The following TPD52 variants were observed in gnomAD, a reference collection of about 807,000 sequenced individuals.
TPD52 encodes the protein prostate and colon associated protein.
A neutral mutation model predicts 31.3 loss-of-function variants in TPD52; 17 were observed. The ratio of observed to expected loss-of-function variants is 0.54; its 90% CI spans 0.37 to 0.82. TPD52 has a LOEUF of 0.82. TPD52 is among the 40% of genes least tolerant of loss of function. The pLI is 0.00. For missense variants in TPD52, 212 were observed against 240.1 expected, an observed-to-expected ratio of 0.88 and a Z score of 0.77; for synonymous variants, 83 against 89.6, an observed-to-expected ratio of 0.93 and a Z score of 0.42.
intron 1 of TPD52, among the ~76,000 whole-genome samples, chr8:80,093,222 T>C (rs547103971): frequency 6.6e-6 from 1 of 152,244 alleles, no homozygotes; most frequent in Non-Finnish European, 1.5e-5. Flanking sequence ...GGCTCAGTAA[T>C]AAGAGAATGA....
At chr8:80,140,196 A>G (rs1316700320) in intron 1 of TPD52, among the ~76,000 whole-genome samples, 1 of 152,166 alleles carries the variant, frequency 6.6e-6, no homozygotes, top group Non-Finnish European at 1.5e-5. Flanking sequence ...GGTTCTCCTG[A>G]TGTCAACCCC....
chr8:80,142,580 T>C (rs1211401933), intron 1 of TPD52, among the ~76,000 whole-genome samples: 1 of 150,834 alleles, frequency 6.6e-6, no homozygotes, highest in South Asian at 2.1e-4. Flanking sequence ...CGCACAACTG[T>C]AGTCCCAGCT....
intron 5 of TPD52, among the ~76,000 whole-genome samples, chr8:80,045,825 G>A (rs1810791294): frequency 6.6e-6 from 1 of 152,110 alleles, no homozygotes; most frequent in South Asian, 2.1e-4. Context: ...CTTTTTAGGT[G>A]AGCTAAAAGT....
At chr8:80,096,814 T>C (rs1447223819) in intron 1 of TPD52, among the ~76,000 whole-genome samples, 1 of 152,156 alleles carries the variant, frequency 6.6e-6, no homozygotes, top group Non-Finnish European at 1.5e-5. Context: ...CCCTATTTGA[T>C]GAGACACAAC....
chr8:80,122,285 C>G (rs753512340), intron 1 of TPD52, among the ~76,000 whole-genome samples: 2 of 152,082 alleles, frequency 1.3e-5, no homozygotes, highest in Non-Finnish European at 2.9e-5. Context: ...TGAGTAAAAG[C>G]AGAGAGCAGA....
intron 6 of TPD52, among the ~76,000 whole-genome samples, chr8:80,043,543 A>G (rs1297269169): frequency 1.3e-5 from 2 of 152,198 alleles, no homozygotes; most frequent in African/African-American, 2.4e-5. Context: ...TCAGGAAGTC[A>G]TAAGCAATGC....
At chr8:80,137,851 T>A (rs1276942211) in intron 1 of TPD52, among the ~76,000 whole-genome samples, 4 of 152,122 alleles carry the variant, frequency 2.6e-5, no homozygotes. Flanking sequence ...GGCGGGAGGA[T>A]CACTTGAGCC....
chr8:80,051,374 A>G (rs1475383555), intron 4 of TPD52, 153 bp downstream of exon 4: 3 of 640,798 alleles, frequency 4.7e-6, no homozygotes, highest in South Asian at 1.9e-5. Context: ...ACCTTAGATG[A>G]GCCTTCCAGG....
Position 80,121,738 on chromosome 8 carries a change from G to A in TPD52, c.19+49687C>T, listed in dbSNP as rs192592525. On this transcript the variant is annotated intron_variant, in intron 1 of 7. Coordinates refer to ENST00000518937, the MANE Select transcript of TPD52 (RefSeq NM_001025253.3). ...CCAGGCCTAACCAAGTGGCCTTCAC[G>A]ACGCAAAACCTGCATCGGATGGTCC... Among the ~76,000 whole-genome samples, 732 of 152,220 alleles carry A rather than the reference G, an allele frequency of 4.8e-3. 3 individuals are homozygous for A. The highest frequency in any genetic ancestry group is 0.015 in the African/African-American group (643 of 41,540).
At chr8:80,123,006 T>A (rs1808364906) in intron 1 of TPD52, 1 of 151,898 alleles carries the variant, frequency 6.6e-6, no homozygotes, top group South Asian at 2.1e-4. Flanking sequence ...GGGCATGGAG[T>A]AGGAAGAAAG....
chr8:80,140,799 T>G (rs752130358), intron 1 of TPD52, among the ~76,000 whole-genome samples: 7 of 152,176 alleles, frequency 4.6e-5, no homozygotes, highest in Non-Finnish European at 7.4e-5. Context: ...CTGCACCACT[T>G]AGCAACAGGA....
intron 5 of TPD52, among the ~76,000 whole-genome samples, chr8:80,049,930 G>A (rs1327932754): frequency 6.6e-6 from 1 of 151,994 alleles, no homozygotes; most frequent in Non-Finnish European, 1.5e-5. Context: ...GCAGAGTAGT[G>A]GCAGATTTTA....
intron 1 of TPD52, among the ~76,000 whole-genome samples, chr8:80,163,753 C>A (rs572813993): frequency 6.6e-6 from 1 of 152,088 alleles, no homozygotes; most frequent in African/African-American, 2.4e-5. Context: ...AAAACAATTT[C>A]TCTTAAAGCA....
At chr8:80,131,895 G>C (rs1407344689) in intron 1 of TPD52, among the ~76,000 whole-genome samples, 1 of 152,012 alleles carries the variant, frequency 6.6e-6, no homozygotes, top group African/African-American at 2.4e-5. Context: ...GAACGCAGCT[G>C]TCAAGTCAGA....
chr8:80,114,320 A>C (rs761394771), intron 1 of TPD52, among the ~76,000 whole-genome samples: 4 of 152,112 alleles, frequency 2.6e-5, no homozygotes, highest in Admixed American at 6.6e-5. Context: ...CTACTTTTTA[A>C]ATTTTTTCAA....
chr8:80,153,185 G>A (rs1158741274), intron 1 of TPD52, among the ~76,000 whole-genome samples: 1 of 152,106 alleles, frequency 6.6e-6, no homozygotes, highest in Non-Finnish European at 1.5e-5. Flanking sequence ...AAATGATAAA[G>A]AATTACTTCA....
chr8:80,065,303 C>CCA (rs1554581778), intron 1 of TPD52, among the ~76,000 whole-genome samples: 1 of 147,186 alleles, frequency 6.8e-6, no homozygotes, highest in Non-Finnish European at 1.5e-5. Context: ...ATCTATCTAT[C>CCA]TATATATATA....
chr8:80,040,243 G>A (rs1424608910), intron 7 of TPD52, among the ~76,000 whole-genome samples: 1 of 132,284 alleles, frequency 7.6e-6, no homozygotes, highest in East Asian at 2.2e-4. Flanking sequence ...CACCCAGGCT[G>A]GAGTGCAGTG....
chr8:80,156,899 T>G (rs1586414536), intron 1 of TPD52, among the ~76,000 whole-genome samples: 10 of 144,064 alleles, frequency 6.9e-5, no homozygotes, highest in South Asian at 2.3e-4. Flanking sequence ...AGGAGTGGGG[T>G]GGGGTGGAGA....
Sources: gnomAD v4.1 joint callset for allele counts (sites outside exome capture counted in the v4.1 genomes callset) on GRCh38, gnomAD v4.1.1 for gene constraint, MANE v1.5 for transcripts, NCBI Gene and HGNC (gene_info 2026-07-23, HGNC 2026-07-21) for gene names.